Variants in L1TD1 observed in about 807,000 individuals in gnomAD.
The protein encoded by L1TD1 is LINE1 type transposase domain containing 1.
In L1TD1, 26 loss-of-function variants were observed where a neutral mutation model predicts 25.7. That is an observed-to-expected ratio of 1.01 (90% CI 0.74 to 1.40). The LOEUF is 1.40. Ranked by LOEUF, L1TD1 falls within the 40% of genes most tolerant of loss-of-function variation. The pLI is 0.00. For missense variants in L1TD1, 1,130 were observed against 975.0 expected (o/e 1.16, Z -2.12); for synonymous variants, 421 against 335.6 (o/e 1.25, Z -2.78).
At chr1:62,202,832 C>A (rs985970185) in intron 2 of L1TD1, among the ~76,000 whole-genome samples, 2 of 151,416 alleles carry the variant, frequency 1.3e-5, no homozygotes, top group African/African-American at 4.9e-5. Context: ...TACAGGAACC[C>A]ACCACCACGC....
chr1:62,202,133 T>C (rs574604721), intron 2 of L1TD1, among the ~76,000 whole-genome samples: 69 of 152,330 alleles, frequency 4.5e-4, no homozygotes, highest in African/African-American at 1.5e-3. Flanking sequence ...AAACCTTGTC[T>C]CTACTAAAAG....
Position 62,206,843 on chromosome 1 carries a change from C to T in L1TD1, c.215C>T (p.Thr72Ile), listed in dbSNP as rs1670755554. 3 of 1,611,564 alleles carry T rather than the reference C, an allele frequency of 1.9e-6. No homozygotes were observed. The highest frequency in any genetic ancestry group is 2.5e-6 in the Non-Finnish European group (3 of 1,178,954). Reference protein sequence around the residue: ...QDLMFEEMRETLKNDLKAVLG... With the variant: ...QDLMFEEMREILKNDLKAVLG... ...CTGATGTTTGAGGAGATGAGGGAAACTCTTAAAAATGACCTAAAAGCAGTT... is the reference window on the plus strand; with the variant it reads ...CTGATGTTTGAGGAGATGAGGGAAATTCTTAAAAATGACCTAAAAGCAGTT... The change falls in exon 3 of 4, where the codon ACT becomes ATT. Residue 72 changes from threonine (T) to isoleucine (I), a missense_variant. Physicochemically the swap from Thr to Ile is moderately conservative, Grantham distance 89. Coordinates refer to ENST00000498273, the MANE Select transcript of L1TD1 (RefSeq NM_019079.5).
chr1:62,199,106 C>T (rs1670595924), intron 2 of L1TD1, among the ~76,000 whole-genome samples: 1 of 152,138 alleles, frequency 6.6e-6, no homozygotes. Context: ...CCCAGAGTGC[C>T]TGGGTAGTGT....
Position 62,210,995 on chromosome 1 carries a change from G to A in L1TD1, c.2221G>A (p.Val741Ile). 1 of 1,545,592 alleles carries A rather than the reference G, an allele frequency of 6.5e-7. No homozygotes were observed. The highest frequency in any genetic ancestry group is 8.7e-7 in the Non-Finnish European group (1 of 1,145,572). ...ELKKGSSLEI[V>I]SACRVPSKID... ...AAAGAAAGGTTCAAGTCTTGAGATT[G>A]TCAGTGCTTGTCGAGTACCTAGTAA... The change falls in exon 4 of 4, where the codon GTC (valine) becomes ATC (isoleucine). Residue 741 changes from valine (V) to isoleucine (I), a missense_variant. Val to Ile is a conservative substitution (Grantham distance 29). Coordinates refer to ENST00000498273, the MANE Select transcript of L1TD1 (RefSeq NM_019079.5).
chr1:62,195,503 C>G (rs1460446679), intron 1 of L1TD1, among the ~76,000 whole-genome samples: 1 of 152,208 alleles, frequency 6.6e-6, no homozygotes, highest in Admixed American at 6.5e-5. Context: ...CCTGTAATCC[C>G]AGCACTTTGG....
chr1:62,210,545 G>T lies in L1TD1; in HGVS notation c.1771G>T (p.Glu591Ter), dbSNP rs1264686924. ...TGVTKLKKTEEKKHRTLHTEE... is the reference protein window; with the variant it reads ...TGVTKLKKTE ...AGTCACCAAACTTAAGAAAACAGAA[G>T]AAAAGAAACACAGAACTCTGCACAC... is the stretch of plus-strand genomic sequence containing the variant. Residue 591 changes from glutamate (E) to a stop codon, truncating the protein, a stop_gained, in exon 4 of 4, where the codon GAA becomes TAA. Coordinates refer to ENST00000498273, the MANE Select transcript of L1TD1 (RefSeq NM_019079.5). LOFTEE classifies it low-confidence loss of function (END_TRUNC). 6.2e-7 allele frequency: 1 copy of T among 1,612,566 alleles called. No homozygotes were observed.
Position 62,210,328 on chromosome 1 carries a change from T to C in L1TD1, c.1554T>C (p.Ser518=). 1.2e-6 allele frequency: 2 copies of C among 1,613,784 alleles called. No individual in the cohort carries two copies. The highest frequency in any genetic ancestry group is 1.7e-6 in the Non-Finnish European group (2 of 1,179,970). ...CCTTTAGTTATTTGGTTGGGGACTC[T>C]GGGAAGAAAAAGTTGGTGAAACACC... ...EIPFSYLVGD[S]GKKKLVKHQV... The change falls in exon 4 of 4, where the codon TCT becomes TCC. Residue 518 remains serine, a synonymous_variant. Transcript: ENST00000498273.
At position 62,211,527 on chromosome 1, in the gene L1TD1, T is replaced by C; in HGVS notation, c.*155T>C. 7.8e-7 allele frequency: 1 copy of C among 1,281,824 alleles called. No individual in the cohort carries two copies. The highest frequency in any genetic ancestry group is 1.8e-5 in the South Asian group (1 of 54,752). The allele number at this position is 1,281,824 out of a possible 1,614,324, so 79.4% of individuals were successfully genotyped here. A position where few individuals can be genotyped will look rare whatever the true frequency, so the allele number is the denominator to read the frequency against. On this transcript the variant is annotated 3_prime_UTR_variant, in exon 4 of 4. Transcript: ENST00000498273. The stretch of plus-strand genomic sequence containing the variant: ...AGGAATATTACAGATATTACCTAGA[T>C]GTTAATAAAGGGTATGTTTAAAAAA...
At chr1:62,207,868 A>ACGCCCAGATAATTTTG (rs1670783941) in intron 3 of L1TD1, among the ~76,000 whole-genome samples, 1 of 151,918 alleles carries the variant, frequency 6.6e-6, no homozygotes, top group Non-Finnish European at 1.5e-5. Context: ...ATGCACCACC[A>ACGCCCAGATAATTTTG]CGCCCAGATA....
At chr1:62,200,360 G>A (rs937768447) in intron 2 of L1TD1, among the ~76,000 whole-genome samples, 9 of 151,990 alleles carry the variant, frequency 5.9e-5, no homozygotes, top group African/African-American at 1.9e-4. Context: ...TAGTAGAGAC[G>A]GGGTTTCACC....
intron 3 of L1TD1, among the ~76,000 whole-genome samples, chr1:62,209,251 T>A (rs950562431): frequency 6.6e-6 from 1 of 151,508 alleles, no homozygotes; most frequent in African/African-American, 2.4e-5. Context: ...TGCTTGTCTT[T>A]AAAGTCCTAA....
At chr1:62,206,264 A>G (rs1054913678) in intron 2 of L1TD1, among the ~76,000 whole-genome samples, 4 of 152,212 alleles carry the variant, frequency 2.6e-5, no homozygotes, top group Admixed American at 2.0e-4. Context: ...TAGTATGGCA[A>G]ATCAGACAGC....
rs949658112 is a variant in L1TD1 at position 62,207,352 on chromosome 1, G to C, written c.724G>C (p.Val242Leu). The C allele has an allele frequency of 1.7e-5, 27 of 1,551,432 alleles. No homozygotes were observed. The highest frequency in any genetic ancestry group is 5.9e-5 in the Admixed American group (3 of 50,974). Residue 242 changes from valine (V) to leucine (L), a missense_variant, in exon 3 of 4, where the codon GTA (valine) becomes CTA (leucine). Transcript: ENST00000498273. ...AAAAGTGTTGATGGATGAAGGAGCA[G>C]TACTTACCCTGGTAGCCGACCTTTC... ...EEKVLMDEGA[V>L]LTLVADLSSA...
chr1:62,203,470 A>G (rs1185109429), intron 2 of L1TD1, among the ~76,000 whole-genome samples: 1 of 151,944 alleles, frequency 6.6e-6, no homozygotes, highest in Non-Finnish European at 1.5e-5. Context: ...CGCCCGGTAC[A>G]GTGGCGTGAT....
chr1:62,207,232 G>C lies in L1TD1; in HGVS notation c.604G>C (p.Asp202His). 4 of 1,551,570 alleles carry C rather than the reference G, an allele frequency of 2.6e-6. No homozygotes were observed. Among genetic ancestry groups the C allele is most frequent in the Non-Finnish European group, 3.5e-6 (4 of 1,146,978 alleles). ...LEFTERESRK[D>H]GEDEFVKEMR... is the part of the protein sequence containing the mutation. The stretch of plus-strand genomic sequence containing the variant: ...ATTTACAGAAAGAGAGAGTAGGAAG[G>C]ATGGAGAGGATGAATTTGTCAAAGA... The change falls in exon 3 of 4, where the codon GAT becomes CAT. Residue 202 changes from aspartate (D) to histidine (H), a missense_variant. Physicochemically the swap from Asp to His is moderately conservative, Grantham distance 81 (BLOSUM62 -1). Coordinates refer to ENST00000498273, the MANE Select transcript of L1TD1 (RefSeq NM_019079.5).
chr1:62,205,415 C>CTA (rs1467761307), intron 2 of L1TD1, among the ~76,000 whole-genome samples: 12 of 33,890 alleles, frequency 3.5e-4, no homozygotes, highest in Non-Finnish European at 4.8e-4. Flanking sequence ...CTCTCTCTCT[C>CTA]TCTATATATA....
chr1:62,211,209 A>C lies in L1TD1; in HGVS notation c.2435A>C (p.Lys812Thr). 6.4e-7 allele frequency: 1 copy of C among 1,555,114 alleles called. No individual in the cohort carries two copies. The highest frequency in any genetic ancestry group is 8.7e-7 in the Non-Finnish European group (1 of 1,148,674). Residue 812 changes from lysine to threonine, a missense_variant, in exon 4 of 4, where the codon AAA becomes ACA. Transcript: ENST00000498273. ...AGAAGTAAATGGAGCAATGTCTTCA[A>C]AGTTCTGCTGGAAAAAGGCTTTAAT... ...DARSKWSNVFKVLLEKGFNPR... is the reference protein window; with the variant it reads ...DARSKWSNVFTVLLEKGFNPR...
At chr1:62,199,952 T>C (rs1670610536) in intron 2 of L1TD1, among the ~76,000 whole-genome samples, 1 of 152,212 alleles carries the variant, frequency 6.6e-6, no homozygotes, top group Non-Finnish European at 1.5e-5. Flanking sequence ...GTGTTTACTG[T>C]ACATATGGTT....
At chr1:62,206,474 A>G in intron 2 of L1TD1, 45 bp from the exon 3 acceptor site, 2 of 707,286 alleles carry the variant, frequency 2.8e-6, no homozygotes, top group Non-Finnish European at 2.1e-6. Context: ...CAAGTTTCTC[A>G]AGAGAATTCT....
Sources: allele counts gnomAD v4.1 joint callset (sites outside exome capture counted in the v4.1 genomes callset), GRCh38; gene constraint gnomAD v4.1.1; transcripts MANE v1.5; gene names NCBI Gene and HGNC (gene_info 2026-07-23, HGNC 2026-07-21).